Variants in AVEN observed in about 807,000 individuals in gnomAD.
AVEN encodes the protein cell death regulator Aven.
A neutral mutation model predicts 38.1 loss-of-function variants in AVEN; 41 were observed. The observed-to-expected ratio is 1.08, with a 90% CI of 0.84 to 1.40. AVEN has a LOEUF of 1.40. Ranked by LOEUF, AVEN falls within the 40% of genes most tolerant of loss-of-function variation. AVEN has a pLI of 0.00. For synonymous variants in AVEN, 206 were observed against 171.8 expected, an observed-to-expected ratio of 1.20 and a Z score of -1.56; for missense variants, 605 against 438.8, an observed-to-expected ratio of 1.38 and a Z score of -3.38.
At chr15:33,953,350 A>T (rs1894823648) in intron 2 of AVEN, among the ~76,000 whole-genome samples, 1 of 152,216 alleles carries the variant, frequency 6.6e-6, no homozygotes, top group African/African-American at 2.4e-5. Flanking sequence ...ATGCAAAAAG[A>T]ACAAAGCTGG....
intron 2 of AVEN, among the ~76,000 whole-genome samples, chr15:33,904,710 T>TACACACACACAC (rs1369829949): frequency 5.7e-4 from 69 of 121,158 alleles, no homozygotes; most frequent in Middle Eastern, 4.1e-3. Context: ...TATATATATA[T>TACACACACACAC]ATATATACAC....
Position 33,867,619 on chromosome 15 carries a change from T to C in AVEN, c.849A>G (p.Glu283=). 6.2e-7 allele frequency: 1 copy of C among 1,614,244 alleles called. No homozygotes were observed. The highest frequency in any genetic ancestry group is 8.5e-7 in the Non-Finnish European group (1 of 1,180,056). The stretch of plus-strand genomic sequence containing the variant: ...AATTAAGCAACAGATCTAGTTCTTC[T>C]TCCAAATGGTCTCCTGCTGACTGCA... The part of the protein sequence containing the change: ...SPLQSAGDHL[E]EELDLLLNLD... The change falls in exon 5 of 6, where the codon GAA becomes GAG. Residue 283 remains glutamate, a synonymous_variant. Transcript: ENST00000306730.
intron 2 of AVEN, among the ~76,000 whole-genome samples, chr15:33,964,222 T>G (rs922446460): frequency 1.3e-5 from 2 of 152,100 alleles, no homozygotes; most frequent in Non-Finnish European, 2.9e-5. Flanking sequence ...CCCGAACGTA[T>G]CTGTTCCACT....
Position 33,859,498 on chromosome 15 carries a change from C to A in AVEN, n.2730-404G>T. 17 of 1,534,436 alleles carry A rather than the reference C, an allele frequency of 1.1e-5. No homozygotes were observed. The South Asian group carries it at 1.6e-4, about 15-fold the overall frequency. On this transcript the variant is annotated intron_variant and non_coding_transcript_variant, in intron 11 of 11. Transcript: ENST00000675287. ...TAGGGCTGCCACAATCTGACCGAAT[C>A]ATATGAATGATCTGAGCATCTTGCT...
chr15:33,864,821 C>T, downstream of AVEN: 1 of 278,112 alleles, frequency 3.6e-6, no homozygotes, highest in Non-Finnish European at 6.7e-6. Flanking sequence ...CGTCTTCCAC[C>T]AGCGGCATGG....
intron 2 of AVEN, among the ~76,000 whole-genome samples, chr15:33,877,810 A>T (rs1891309469): frequency 6.6e-6 from 1 of 152,136 alleles, no homozygotes; most frequent in African/African-American, 2.4e-5. Flanking sequence ...ATAGCCGAGC[A>T]TGGTGGCACA....
chr15:33,988,615 G>T (rs1039744527), intron 2 of AVEN, among the ~76,000 whole-genome samples: 2 of 152,156 alleles, frequency 1.3e-5, no homozygotes, highest in African/African-American at 4.8e-5. Flanking sequence ...TGGCCACAGG[G>T]CTCATTTACA....
intron 2 of AVEN, among the ~76,000 whole-genome samples, chr15:33,894,547 A>G (rs1019988444): frequency 3.4e-5 from 5 of 146,692 alleles, no homozygotes; most frequent in African/African-American, 1.3e-4. Flanking sequence ...TCGGCCGGGC[A>G]CAGTGGCTCA....
chr15:34,020,455 T>C (rs1264702987), intron 1 of AVEN, among the ~76,000 whole-genome samples: 1 of 152,248 alleles, frequency 6.6e-6, no homozygotes, highest in African/African-American at 2.4e-5. Context: ...ACAATACTAT[T>C]TCTCTTAAAG....
At chr15:33,861,155 A>G (rs1456931241) in intron 11 of AVEN, 2 of 1,593,806 alleles carry the variant, frequency 1.3e-6, no homozygotes, top group Non-Finnish European at 8.6e-7. Context: ...ATACATTACA[A>G]GAGCACAACT....
intron 1 of AVEN, among the ~76,000 whole-genome samples, chr15:34,006,233 T>C (rs2140641302): frequency 6.6e-6 from 1 of 150,930 alleles, no homozygotes; most frequent in East Asian, 2.0e-4. Flanking sequence ...ATGGCGTGAA[T>C]CCAGGAGGCG....
intron 2 of AVEN, among the ~76,000 whole-genome samples, chr15:33,899,405 C>T (rs1015918518): frequency 6.8e-6 from 1 of 146,868 alleles, no homozygotes; most frequent in African/African-American, 2.5e-5. Flanking sequence ...ATAGTTTTCT[C>T]TTGAAAATGC....
intron 1 of AVEN, among the ~76,000 whole-genome samples, chr15:34,022,914 G>A (rs756606974): frequency 3.3e-5 from 5 of 152,342 alleles, no homozygotes; most frequent in Non-Finnish European, 7.3e-5. Flanking sequence ...GAGGCCGGGC[G>A]CGGTGGCTCA....
At chr15:33,861,473 A>G (rs1237559427), downstream of AVEN, among the ~76,000 whole-genome samples, 1 of 118,592 alleles carries the variant, frequency 8.4e-6, no homozygotes, top group Non-Finnish European at 1.9e-5. Context: ...ATCACCATAT[A>G]AATATGCTTT....
At chr15:33,991,490 C>A in intron 2 of AVEN, 1 of 144,626 alleles carries the variant, frequency 6.9e-6, no homozygotes. Flanking sequence ...TACTACGGAC[C>A]CACAAAAATA....
intron 2 of AVEN, among the ~76,000 whole-genome samples, chr15:33,903,414 C>T (rs1000106212): frequency 2.0e-5 from 3 of 152,158 alleles, no homozygotes; most frequent in East Asian, 1.9e-4. Context: ...AGTCCCTGGG[C>T]GCTCCCAGAG....
rs200142699 is a variant in AVEN, at chr15:34,063,954, C to A, written n.1127-522G>T. 9.3e-6 allele frequency: 15 copies of A among 1,614,008 alleles called. No individual in the cohort carries two copies. The highest frequency in any genetic ancestry group is 3.3e-5 in the Admixed American group (2 of 60,000). ...CTGCCCCTTCCCAGTGGCCAAGGAA[C>A]CTTCAACGAAAGGCCTCAATCCCAA... On this transcript the variant is annotated intron_variant and non_coding_transcript_variant, in intron 4 of 11. Coordinates refer to the AVEN transcript ENST00000675287. The surrounding 1 kb of genome is among the most constrained non-coding windows in gnomAD (Gnocchi z 4.1).
At chr15:34,019,395 GTTT>G (rs1315765632) in intron 1 of AVEN, among the ~76,000 whole-genome samples, 1 of 152,096 alleles carries the variant, frequency 6.6e-6, no homozygotes, top group African/African-American at 2.4e-5. Context: ...ATATTTAAAA[GTTT>G]ATAAAGTAAG....
intron 1 of AVEN, among the ~76,000 whole-genome samples, chr15:34,038,391 G>A (rs993888682): frequency 6.6e-6 from 1 of 152,182 alleles, no homozygotes; most frequent in Non-Finnish European, 1.5e-5. Flanking sequence ...GGCTGCCGAG[G>A]GACCACGTCG....
Sources: gnomAD v4.1 joint callset for allele counts (sites outside exome capture counted in the v4.1 genomes callset) on GRCh38, gnomAD v4.1.1 for gene constraint, Gnocchi (gnomAD v3.1) non-coding constraint, MANE v1.5 for transcripts, NCBI Gene and HGNC (gene_info 2026-07-23, HGNC 2026-07-21) for gene names.